Variants in LINGO2 observed in about 807,000 individuals in gnomAD.
LINGO2 encodes leucine-rich repeat and immunoglobulin-like domain-containing nogo receptor-interacting protein 2.
Under a neutral mutation model 30.6 loss-of-function variants are expected in LINGO2, and 14 were observed. The ratio of observed to expected loss-of-function variants is 0.46; its 90% confidence interval spans 0.30 to 0.72. The LOEUF (loss-of-function observed/expected upper bound fraction) is 0.72. Among genes scored for constraint, LINGO2 ranks in the 30% least tolerant of loss-of-function variants. The probability of loss-of-function intolerance (pLI) is 0.07; values close to 1 mark genes in which losing one functional copy is unlikely to be tolerated. For synonymous variants in LINGO2, 317 were observed against 288.5 expected, an observed-to-expected ratio of 1.10 and a Z score of -1.00; for missense variants, 729 against 751.7, an observed-to-expected ratio of 0.97 and a Z score of 0.35.
chr9:28,403,654 CTTT>C (rs60784166), intron 2 of LINGO2, among the ~76,000 whole-genome samples: 41,735 of 146,264 alleles, frequency 0.29, 6,658 homozygotes, highest in Non-Finnish European at 0.35. Context: ...CACCCCTCTC[CTTT>C]TTTTTTTTTT....
intron 4 of LINGO2, among the ~76,000 whole-genome samples, chr9:28,161,854 T>G (rs1587114194): frequency 6.6e-6 from 1 of 152,192 alleles, no homozygotes; most frequent in East Asian, 1.9e-4. Context: ...TCTAATTAAT[T>G]TAATAATGCT....
At chr9:28,003,952 C>T (rs990792318) in intron 5 of LINGO2, among the ~76,000 whole-genome samples, 2 of 152,094 alleles carry the variant, frequency 1.3e-5, no homozygotes, top group African/African-American at 4.8e-5. Flanking sequence ...GCAAACATTG[C>T]TGGTTGAATA....
At chr9:28,296,581 C>T (rs1038501644) in intron 3 of LINGO2, among the ~76,000 whole-genome samples, 1 of 152,118 alleles carries the variant, frequency 6.6e-6, no homozygotes, top group Non-Finnish European at 1.5e-5. Flanking sequence ...TGTTAAAAGG[C>T]ACAACAGTAT....
chr9:28,848,190 A>G, the LINGO2 span, among the ~76,000 whole-genome samples: 1 of 93,898 alleles, frequency 1.1e-5, no homozygotes. Flanking sequence ...CACTATATAT[A>G]CACATATATA....
At chr9:28,380,589 A>G (rs1821315366) in intron 2 of LINGO2, among the ~76,000 whole-genome samples, 1 of 152,032 alleles carries the variant, frequency 6.6e-6, no homozygotes, top group Admixed American at 6.6e-5. Context: ...GAGGAAGTAC[A>G]GTATAGATGT....
chr9:28,342,088 G>A (rs1256912009), intron 3 of LINGO2, among the ~76,000 whole-genome samples: 1 of 152,120 alleles, frequency 6.6e-6, no homozygotes, highest in Non-Finnish European at 1.5e-5. Context: ...GGGACCGTAT[G>A]TTAACTCTCT....
the LINGO2 span, among the ~76,000 whole-genome samples, chr9:28,798,083 T>C: frequency 6.6e-6 from 1 of 152,146 alleles, no homozygotes; most frequent in Non-Finnish European, 1.5e-5. Context: ...TAAAGGTCAA[T>C]ATCTGATTTT....
At position 28,185,906 on chromosome 9, in the gene LINGO2, A is replaced by G. The variant is rs183441994; in HGVS notation, c.-87+109302T>C. Among the ~76,000 whole-genome samples, 428 of 152,250 alleles carry G rather than the reference A, an allele frequency of 2.8e-3. 1 individual carries two copies. Among genetic ancestry groups the G allele is most frequent in the Non-Finnish European group, 4.0e-3 (270 of 67,994 alleles). The stretch of plus-strand genomic sequence containing the variant: ...TTCTAAGATTATACTTTGAAATGTA[A>G]AGGGGATAAAAGGCTTCTGCTTTTA... On this transcript the variant is annotated intron_variant, in intron 4 of 5. Coordinates refer to ENST00000379992, the Ensembl canonical transcript of LINGO2.
chr9:27,946,388 A>G (rs935566329), downstream of LINGO2, among the ~76,000 whole-genome samples: 8 of 152,174 alleles, frequency 5.3e-5, no homozygotes, highest in African/African-American at 1.2e-4. Flanking sequence ...TTTTCTTCCA[A>G]TAAAATGAAT....
At chr9:28,000,978 A>G (rs1821919978) in intron 5 of LINGO2, among the ~76,000 whole-genome samples, 1 of 152,226 alleles carries the variant, frequency 6.6e-6, no homozygotes, top group South Asian at 2.1e-4. Context: ...GACAATTCCA[A>G]ATTACTTTTA....
the LINGO2 span, among the ~76,000 whole-genome samples, chr9:28,698,461 T>A: frequency 2.0e-5 from 3 of 152,026 alleles, no homozygotes; most frequent in African/African-American, 7.2e-5. Context: ...AAACGTCTGA[T>A]TTCAGGTCCC....
intron 4 of LINGO2, among the ~76,000 whole-genome samples, chr9:28,128,580 G>A (rs887557056): frequency 4.6e-5 from 7 of 152,076 alleles, no homozygotes; most frequent in African/African-American, 1.7e-4. Context: ...GTTGGATAAG[G>A]GCTGCAGTTA....
chr9:28,782,466 G>A, the LINGO2 span, among the ~76,000 whole-genome samples: 1 of 152,146 alleles, frequency 6.6e-6, no homozygotes. Flanking sequence ...GGAATAGCAT[G>A]CATGATAAAA....
chr9:29,000,835 A>T, the LINGO2 span, among the ~76,000 whole-genome samples: 10 of 151,996 alleles, frequency 6.6e-5, no homozygotes, highest in Non-Finnish European at 2.9e-5. Flanking sequence ...AGGTTGAGGA[A>T]TATTCACAGG....
At chr9:29,103,971 G>A in the LINGO2 span, among the ~76,000 whole-genome samples, 1 of 152,248 alleles carries the variant, frequency 6.6e-6, no homozygotes, top group Non-Finnish European at 1.5e-5. Flanking sequence ...ATTTGGACAA[G>A]AGCAGCTAAC....
At chr9:28,141,402 A>G (rs529666694) in intron 4 of LINGO2, among the ~76,000 whole-genome samples, 1 of 152,344 alleles carries the variant, frequency 6.6e-6, no homozygotes, top group East Asian at 1.9e-4. Context: ...GTCAGAAGCT[A>G]GGGACGCTCA....
chr9:28,416,243 A>G (rs1822963609), intron 2 of LINGO2, among the ~76,000 whole-genome samples: 1 of 152,162 alleles, frequency 6.6e-6, no homozygotes, highest in African/African-American at 2.4e-5. Context: ...TTTCTGTTAA[A>G]TAAATATACT....
At chr9:28,567,654 G>T (rs1563831009) in intron 1 of LINGO2, among the ~76,000 whole-genome samples, 1 of 152,026 alleles carries the variant, frequency 6.6e-6, no homozygotes, top group Non-Finnish European at 1.5e-5. Context: ...AAAGTGAAGA[G>T]GATGGGAGAG....
the LINGO2 span, among the ~76,000 whole-genome samples, chr9:28,992,002 T>G: frequency 7.9e-5 from 12 of 152,056 alleles, no homozygotes; most frequent in Admixed American, 7.9e-4. Context: ...CAGAAACAAA[T>G]TCACACATAA....
Sources: gnomAD v4.1 joint callset for allele counts (sites outside exome capture counted in the v4.1 genomes callset) on GRCh38, gnomAD v4.1.1 for gene constraint, MANE v1.5 for transcripts, NCBI Gene and HGNC (gene_info 2026-07-23, HGNC 2026-07-21) for gene names.